The following PRICKLE2 variants were observed in gnomAD, a reference collection of about 807,000 sequenced individuals.
PRICKLE2 encodes prickle-like protein 2.
Under a neutral mutation model 81.4 loss-of-function variants are expected in PRICKLE2, and 21 were observed. The observed-to-expected ratio is 0.26, with a 90% CI of 0.18 to 0.37. The LOEUF is 0.37. Ranked by LOEUF, PRICKLE2 falls within the 10% of genes least tolerant of loss-of-function variation. The pLI, the probability that PRICKLE2 is intolerant of heterozygous loss-of-function variation, is 1.00. For synonymous variants in PRICKLE2, 456 were observed against 421.5 expected (o/e 1.08, Z -1.00); for missense variants, 940 against 1,109.0 (o/e 0.85, Z 2.16).
intron 7 of PRICKLE2, among the ~76,000 whole-genome samples, chr3:64,127,391 C>T (rs148516993): frequency 1.6e-3 from 245 of 152,274 alleles, no homozygotes; most frequent in African/African-American, 5.3e-3. Flanking sequence ...TGTAAGTTTT[C>T]CTCTATTGGT....
At chr3:64,110,959 C>CAAAAAAAAAA (rs550808708) in intron 7 of PRICKLE2, among the ~76,000 whole-genome samples, 1 of 63,868 alleles carries the variant, frequency 1.6e-5, no homozygotes, top group Non-Finnish European at 2.7e-5. Context: ...GACTCCATCT[C>CAAAAAAAAAA]AAAAAAAAAA....
At chr3:64,134,638 T>C (rs912750597) in intron 7 of PRICKLE2, among the ~76,000 whole-genome samples, 14 of 140,222 alleles carry the variant, frequency 1.0e-4, no homozygotes, top group Non-Finnish European at 1.1e-4. Flanking sequence ...GTTCCCTGGG[T>C]GGGAAAAACC....
chr3:64,134,597 T>C (rs1320271322), intron 7 of PRICKLE2, among the ~76,000 whole-genome samples: 1 of 149,080 alleles, frequency 6.7e-6, no homozygotes, highest in Non-Finnish European at 1.5e-5. Context: ...CCCCAGTTAT[T>C]ACAACCAAAA....
At chr3:64,203,903 A>G (rs928652996) in intron 1 of PRICKLE2, among the ~76,000 whole-genome samples, 4 of 151,812 alleles carry the variant, frequency 2.6e-5, no homozygotes, top group South Asian at 2.1e-4. Flanking sequence ...GCTTGAACCC[A>G]GGAGGTGGAG....
intron 2 of PRICKLE2, among the ~76,000 whole-genome samples, chr3:64,246,569 G>T (rs545439854): frequency 3.3e-5 from 5 of 152,302 alleles, no homozygotes; most frequent in East Asian, 1.9e-4. Context: ...CATCTGGAAG[G>T]CTTGTTAAAT....
intron 7 of PRICKLE2, among the ~76,000 whole-genome samples, chr3:64,103,786 C>T (rs2076706784): frequency 6.6e-6 from 1 of 152,020 alleles, no homozygotes; most frequent in East Asian, 1.9e-4. Flanking sequence ...TCAAGACAAA[C>T]CTGGGCAACA....
At chr3:64,209,278 C>T (rs1454265396) in intron 1 of PRICKLE2, among the ~76,000 whole-genome samples, 1 of 152,112 alleles carries the variant, frequency 6.6e-6, no homozygotes, top group East Asian at 1.9e-4. Flanking sequence ...ATCTATCCAC[C>T]TATCCACCCA....
intron 7 of PRICKLE2, among the ~76,000 whole-genome samples, chr3:64,130,514 A>G (rs1189887204): frequency 6.6e-6 from 1 of 152,104 alleles, no homozygotes; most frequent in Non-Finnish European, 1.5e-5. Flanking sequence ...TGGTAGGGCA[A>G]AGGTTACTAG....
intron 2 of PRICKLE2, among the ~76,000 whole-genome samples, chr3:64,258,753 G>A (rs2079564433): frequency 6.7e-6 from 1 of 149,812 alleles, no homozygotes; most frequent in South Asian, 2.1e-4. Context: ...GAACCCGGGA[G>A]GCAGAGCTTG....
chr3:64,203,991 A>T (rs1366431427), intron 1 of PRICKLE2, among the ~76,000 whole-genome samples: 2 of 152,010 alleles, frequency 1.3e-5, no homozygotes, highest in African/African-American at 2.4e-5. Context: ...ACACACACAC[A>T]CACATACACT....
intron 1 of PRICKLE2, among the ~76,000 whole-genome samples, chr3:64,211,663 T>C (rs1254791323): frequency 6.6e-6 from 1 of 152,244 alleles, no homozygotes; most frequent in Non-Finnish European, 1.5e-5. Flanking sequence ...CTTGTAACTT[T>C]GATCTAACCT....
intron 2 of PRICKLE2, among the ~76,000 whole-genome samples, chr3:64,168,530 T>C (rs2077873763): frequency 6.6e-6 from 1 of 152,222 alleles, no homozygotes; most frequent in Non-Finnish European, 1.5e-5. Context: ...AACTATTGAC[T>C]TACTGAGTGA....
At chr3:64,237,872 A>T (rs2079206048) in intron 2 of PRICKLE2, among the ~76,000 whole-genome samples, 1 of 152,176 alleles carries the variant, frequency 6.6e-6, no homozygotes, top group Non-Finnish European at 1.5e-5. Context: ...TGCCAGGATG[A>T]GAAAAAGCCC....
At chr3:64,155,640 T>G (rs1052079559) in intron 5 of PRICKLE2, among the ~76,000 whole-genome samples, 11 of 152,204 alleles carry the variant, frequency 7.2e-5, no homozygotes, top group Non-Finnish European at 1.3e-4. Context: ...GTCCATCAAT[T>G]GATACATGGC....
At chr3:64,251,926 A>T (rs1232309794) in intron 2 of PRICKLE2, among the ~76,000 whole-genome samples, 1 of 152,220 alleles carries the variant, frequency 6.6e-6, no homozygotes, top group African/African-American at 2.4e-5. Flanking sequence ...ACATCAGTGC[A>T]TATGGGACAT....
At chr3:64,216,399 G>C (rs2078872284) in intron 1 of PRICKLE2, among the ~76,000 whole-genome samples, 1 of 152,166 alleles carries the variant, frequency 6.6e-6, no homozygotes, top group South Asian at 2.1e-4. Context: ...AAAACATCTG[G>C]TTTGGAAAAC....
At chr3:64,166,748 C>T (rs1446266225) in intron 2 of PRICKLE2, among the ~76,000 whole-genome samples, 3 of 152,208 alleles carry the variant, frequency 2.0e-5, no homozygotes, top group Non-Finnish European at 2.9e-5. Flanking sequence ...TACCAAATCA[C>T]TCCCATATCA....
intron 2 of PRICKLE2, among the ~76,000 whole-genome samples, chr3:64,232,760 C>T (rs1323060192): frequency 1.3e-5 from 2 of 152,112 alleles, no homozygotes; most frequent in Non-Finnish European, 2.9e-5. Flanking sequence ...CTCTTAATTC[C>T]CAGTTGAGTC....
chr3:64,223,109 C>T (rs1445011843), intron 1 of PRICKLE2, among the ~76,000 whole-genome samples: 3 of 152,198 alleles, frequency 2.0e-5, no homozygotes, highest in Non-Finnish European at 2.9e-5. Context: ...CTAGCAAAAC[C>T]TTTCTGCAGG....
Sources: allele counts gnomAD v4.1 joint callset (sites outside exome capture counted in the v4.1 genomes callset), GRCh38; gene constraint gnomAD v4.1.1; transcripts MANE v1.5; gene names NCBI Gene and HGNC (gene_info 2026-07-23, HGNC 2026-07-21).